The following ICE2 variants were observed in gnomAD, a reference collection of about 807,000 sequenced individuals.
ICE2 encodes the protein little elongation complex subunit 2.
A neutral mutation model predicts 105.4 loss-of-function variants in ICE2; 87 were observed. The ratio of observed to expected loss-of-function variants is 0.83; its 90% CI spans 0.69 to 0.99. ICE2 has a LOEUF of 0.99. Among genes scored for constraint, ICE2 ranks in the 50% least tolerant of loss-of-function variants. The probability of loss-of-function intolerance (pLI) is 0.00; values close to 1 mark genes in which losing one functional copy is unlikely to be tolerated. For missense variants in ICE2, 1,323 were observed against 1,146.7 expected, an observed-to-expected ratio of 1.15 and a Z score of -2.22; for synonymous variants, 399 against 392.0, an observed-to-expected ratio of 1.02 and a Z score of -0.21.
At chr15:60,448,396 G>A (rs16942576) in intron 10 of ICE2, among the ~76,000 whole-genome samples, 2,691 of 152,212 alleles carry the variant, frequency 0.018, 76 homozygotes, top group African/African-American at 0.061. Context: ...AAATTCGTGA[G>A]ACAGCATACC....
intron 14 of ICE2, among the ~76,000 whole-genome samples, chr15:60,429,042 T>G (rs1041531165): frequency 6.6e-6 from 1 of 152,200 alleles, no homozygotes; most frequent in Non-Finnish European, 1.5e-5. Flanking sequence ...AGCATTTTCA[T>G]TCATTTAACA....
At chr15:60,434,739 C>T (rs766339951) in intron 13 of ICE2, among the ~76,000 whole-genome samples, 26 of 151,928 alleles carry the variant, frequency 1.7e-4, no homozygotes, top group Non-Finnish European at 3.4e-4. Flanking sequence ...TACAGAATAG[C>T]GGTTACAAGA....
chr15:60,470,385 T>C (rs552508568), intron 3 of ICE2, among the ~76,000 whole-genome samples: 14 of 152,264 alleles, frequency 9.2e-5, no homozygotes, highest in African/African-American at 3.4e-4. Context: ...GCAGTGGTTC[T>C]CAATCATGAC....
At chr15:60,453,239 TA>T in intron 9 of ICE2, 1 of 1,009,288 alleles carries the variant, frequency 9.9e-7, no homozygotes, top group Non-Finnish European at 1.2e-6. Flanking sequence ...CTCAAAAAAA[TA>T]AAACTCTTGA....
intron 4 of ICE2, among the ~76,000 whole-genome samples, chr15:60,467,366 A>G (rs2064460141): frequency 6.6e-6 from 1 of 152,260 alleles, no homozygotes; most frequent in Non-Finnish European, 1.5e-5. Flanking sequence ...ACACATATGG[A>G]AAATGCTTAC....
intron 6 of ICE2, among the ~76,000 whole-genome samples, chr15:60,455,860 C>T (rs960385255): frequency 1.1e-4 from 17 of 152,002 alleles, no homozygotes; most frequent in Non-Finnish European, 2.1e-4. Context: ...TCAAGTGATC[C>T]GCCTGCCTCG....
chr15:60,441,081 G>T (rs569251232), intron 12 of ICE2: 1 of 151,436 alleles, frequency 6.6e-6, no homozygotes, highest in Non-Finnish European at 1.5e-5. Flanking sequence ...AATTTCACTC[G>T]TAAGTTTTTA....
At chr15:60,426,281 G>GT (rs1441647445) in intron 15 of ICE2, among the ~76,000 whole-genome samples, 1 of 152,134 alleles carries the variant, frequency 6.6e-6, no homozygotes, top group Non-Finnish European at 1.5e-5. Context: ...ACAGTGCAAT[G>GT]TATTACCTTG....
In ICE2 at chr15:60,420,751, CAAGA is replaced by C; in HGVS notation, c.*2879_*2882del. On this transcript the variant is annotated 3_prime_UTR_variant, in exon 16 of 16. Coordinates refer to ENST00000261520, the MANE Select transcript of ICE2 (RefSeq NM_024611.6). The stretch of plus-strand genomic sequence containing the variant: ...TTCTATCTCAGAAAACCTTAACTAC[CAAGA>C]TCTGGTTAGATGACTTGCTTACTTT... The C allele has an allele frequency of 6.6e-6, 1 of 152,082 alleles. No individual in the cohort carries two copies. Among genetic ancestry groups the C allele is most frequent in the African/African-American group, 2.4e-5 (1 of 41,404 alleles). 9.4% of individuals were successfully genotyped at this position (152,082 alleles called of 1,614,324 possible). A position where few individuals can be genotyped will look rare whatever the true frequency, so the allele number is the denominator to read the frequency against.
intron 5 of ICE2, among the ~76,000 whole-genome samples, chr15:60,459,952 G>A (rs1256093897): frequency 6.6e-6 from 1 of 152,096 alleles, no homozygotes; most frequent in African/African-American, 2.4e-5. Flanking sequence ...TCATCATAAT[G>A]GATGTAAATC....
Position 60,455,349 on chromosome 15 carries a change from G to T in ICE2, c.760C>A (p.Gln254Lys). The T allele has an allele frequency of 1.2e-6, 2 of 1,613,138 alleles. No individual in the cohort carries two copies. The highest frequency in any genetic ancestry group is 1.7e-6 in the Non-Finnish European group (2 of 1,179,270). ...DDIATIETSEQTAEAMHYDIS... is the reference protein window; with the variant it reads ...DDIATIETSEKTAEAMHYDIS... ...ACATAATGCATAGCTTCAGCTGTTT[G>T]TTCTGACGTTTCAATGGTAGCTATA... Residue 254 changes from glutamine to lysine, a missense_variant, in exon 7 of 16, where the codon CAA becomes AAA. Physicochemically the swap from Gln to Lys is moderately conservative, Grantham distance 53. Transcript: ENST00000261520.
chr15:60,442,980 A>C (rs1015705546), intron 11 of ICE2: 1 of 152,940 alleles, frequency 6.5e-6, no homozygotes, highest in African/African-American at 2.4e-5. Flanking sequence ...TTCTCCTTTA[A>C]AGCATGAGTC....
chr15:60,457,678 G>C (rs758428822), intron 5 of ICE2, among the ~76,000 whole-genome samples: 1 of 151,834 alleles, frequency 6.6e-6, no homozygotes, highest in Non-Finnish European at 1.5e-5. Context: ...AACCCCTTCC[G>C]CCCTTTTCTA....
intron 2 of ICE2, among the ~76,000 whole-genome samples, chr15:60,477,295 G>A (rs889019381): frequency 3.3e-5 from 5 of 152,186 alleles, no homozygotes; most frequent in Admixed American, 3.3e-4. Context: ...GGGGATGGGA[G>A]TGTTGTTAGC....
chr15:60,468,479 G>A (rs960442641), intron 3 of ICE2, among the ~76,000 whole-genome samples, 157 bp from the exon 4 acceptor site: 3 of 152,114 alleles, frequency 2.0e-5, no homozygotes, highest in African/African-American at 7.2e-5. Flanking sequence ...TTGATGTTTA[G>A]CCATTTAAAG....
intron 13 of ICE2, among the ~76,000 whole-genome samples, chr15:60,434,255 T>C (rs1394055427): frequency 6.6e-6 from 1 of 152,168 alleles, no homozygotes; most frequent in African/African-American, 2.4e-5. Context: ...GATAAATTCA[T>C]TTCAGTCACG....
At position 60,419,973 on chromosome 15, in the gene ICE2, T is replaced by C. The variant is rs2063226282; in HGVS notation, c.*3661A>G. 1 of 152,252 alleles carries C rather than the reference T, an allele frequency of 6.6e-6. No homozygotes were observed. Among genetic ancestry groups the C allele is most frequent in the Non-Finnish European group, 1.5e-5 (1 of 68,038 alleles). 9.4% of individuals were successfully genotyped at this position (152,252 alleles called of 1,614,324 possible). A position where few individuals can be genotyped will look rare whatever the true frequency, so the allele number is the denominator to read the frequency against. On this transcript the variant is annotated 3_prime_UTR_variant, in exon 16 of 16. Transcript: ENST00000261520. Reference sequence around the variant, plus strand: ...GCGACTTACTAATCCTTCAGATGACTGCAGCCCTAGCCAAGAGCCTGACTG... The same window carrying C: ...GCGACTTACTAATCCTTCAGATGACCGCAGCCCTAGCCAAGAGCCTGACTG...
At chr15:60,434,282 G>A (rs1019080922) in intron 13 of ICE2, among the ~76,000 whole-genome samples, 1 of 152,162 alleles carries the variant, frequency 6.6e-6, no homozygotes, top group Non-Finnish European at 1.5e-5. Context: ...ATGATGCTTG[G>A]TAGAAGGGCA....
rs1206652822 is a variant in ICE2 at position 60,449,459 on chromosome 15, A to G, written c.1508T>C (p.Ile503Thr). ...AGATGTTTTCAAGTCACTATCTTGT[A>G]TCAAAGGCTTGTCAGAATTTGATAC... ...EKVSNSDKPLIQDSDLKTSDA... is the reference protein window; with the variant it reads ...EKVSNSDKPLTQDSDLKTSDA... Residue 503 changes from isoleucine to threonine, a missense_variant, in exon 10 of 16, where the codon ATA becomes ACA. Physicochemically the swap from Ile to Thr is moderately conservative, Grantham distance 89. Transcript: ENST00000261520. 3.1e-6 allele frequency: 5 copies of G among 1,614,158 alleles called. No homozygotes were observed. The highest frequency in any genetic ancestry group is 4.2e-6 in the Non-Finnish European group (5 of 1,180,024).
Sources: allele counts gnomAD v4.1 joint callset (sites outside exome capture counted in the v4.1 genomes callset), GRCh38; gene constraint gnomAD v4.1.1; transcripts MANE v1.5; gene names NCBI Gene and HGNC (gene_info 2026-07-23, HGNC 2026-07-21).